ARHGAP32: variants seen among roughly 807,000 people sequenced by gnomAD.
ARHGAP32 encodes the protein rho GTPase-activating protein 32.
In ARHGAP32, 51 loss-of-function variants were observed where a neutral mutation model predicts 186.5. The ratio of observed to expected loss-of-function variants is 0.27; its 90% CI spans 0.22 to 0.35. The LOEUF is 0.35. ARHGAP32 is among the 10% of genes least tolerant of loss of function. The probability of loss-of-function intolerance (pLI) is 1.00; values close to 1 mark genes in which losing one functional copy is unlikely to be tolerated. For missense variants in ARHGAP32, 2,186 were observed against 2,623.5 expected, an observed-to-expected ratio of 0.83 and a Z score of 3.64; for synonymous variants, 950 against 964.3, an observed-to-expected ratio of 0.99 and a Z score of 0.27.
chr11:129,239,773 C>T (rs10894007), intron 1 of ARHGAP32, among the ~76,000 whole-genome samples: 82,958 of 151,836 alleles, frequency 0.55, 23,025 homozygotes, highest in East Asian at 0.68. Context: ...AGCCTTCCCC[C>T]TCCATCCTCA....
intron 5 of ARHGAP32, among the ~76,000 whole-genome samples, chr11:129,108,624 T>C (rs1942117038): frequency 6.6e-6 from 1 of 152,194 alleles, no homozygotes; most frequent in Non-Finnish European, 1.5e-5. Flanking sequence ...TGGAAAAATA[T>C]CTGCTCGAGC....
chr11:129,235,156 T>C (rs1039968394), intron 1 of ARHGAP32, among the ~76,000 whole-genome samples: 1 of 152,146 alleles, frequency 6.6e-6, no homozygotes, highest in Non-Finnish European at 1.5e-5. Flanking sequence ...GCTGACATCT[T>C]GATTTCGGAC....
At chr11:129,205,812 T>C (rs536217596) in intron 1 of ARHGAP32, among the ~76,000 whole-genome samples, 6 of 152,166 alleles carry the variant, frequency 3.9e-5, no homozygotes, top group Middle Eastern at 3.2e-3. Flanking sequence ...ATATGCTAGA[T>C]ACTATGATGC....
intron 3 of ARHGAP32, 135 bp from the exon 4 acceptor site, chr11:129,124,064 C>T: frequency 2.3e-6 from 1 of 425,952 alleles, no homozygotes; most frequent in Admixed American, 4.8e-5. Flanking sequence ...ATGAATAGTC[C>T]TTGTTCAAAA....
At chr11:129,091,960 T>G (rs1941589578) in intron 6 of ARHGAP32, among the ~76,000 whole-genome samples, 1 of 152,044 alleles carries the variant, frequency 6.6e-6, no homozygotes, top group South Asian at 2.1e-4. Flanking sequence ...CATGGGAATA[T>G]ATCAATGATT....
chr11:129,226,478 G>A (rs953282956), intron 1 of ARHGAP32, among the ~76,000 whole-genome samples: 3 of 152,030 alleles, frequency 2.0e-5, no homozygotes, highest in Non-Finnish European at 4.4e-5. Flanking sequence ...AGTGCTGAAA[G>A]AAAAATGACT....
intron 15 of ARHGAP32, among the ~76,000 whole-genome samples, chr11:128,983,154 C>T (rs1316702098): frequency 1.3e-5 from 2 of 151,982 alleles, no homozygotes; most frequent in Non-Finnish European, 2.9e-5. Flanking sequence ...CCCCTTGTAC[C>T]GAGGACAAAG....
intron 15 of ARHGAP32, among the ~76,000 whole-genome samples, chr11:128,985,578 C>T (rs1945839776): frequency 6.6e-6 from 1 of 151,990 alleles, no homozygotes; most frequent in African/African-American, 2.4e-5. Flanking sequence ...TCCAAACTAA[C>T]ACACAAATCA....
At chr11:129,136,956 G>A (rs1942948506) in intron 2 of ARHGAP32, among the ~76,000 whole-genome samples, 1 of 151,906 alleles carries the variant, frequency 6.6e-6, no homozygotes, top group Non-Finnish European at 1.5e-5. Context: ...GCATCCATAA[G>A]TATAAGGTTA....
rs539509627 is a variant in ARHGAP32 at position 129,057,504 on chromosome 11, T to C, written c.963+4776A>G. Reference sequence around the variant, plus strand: ...TTGTGCCCCTCTCCCCCAAAATTCATAATGTTGAATTCCTAACCCCCAGAA... The same window carrying C: ...TTGTGCCCCTCTCCCCCAAAATTCACAATGTTGAATTCCTAACCCCCAGAA... On this transcript the variant is annotated intron_variant, in intron 10 of 22. Coordinates refer to ENST00000682385, the MANE Select transcript of ARHGAP32 (RefSeq NM_001378024.1). Among the ~76,000 whole-genome samples, 183 of 152,152 alleles carry C rather than the reference T, an allele frequency of 1.2e-3. 3 individuals are homozygous for C. Among genetic ancestry groups the C allele is most frequent in the African/African-American group, 4.3e-3 (179 of 41,508 alleles).
At chr11:128,994,771 T>C (rs974172125) in intron 12 of ARHGAP32, among the ~76,000 whole-genome samples, 2 of 152,236 alleles carry the variant, frequency 1.3e-5, no homozygotes, top group Non-Finnish European at 2.9e-5. Flanking sequence ...CCTGCTAATT[T>C]AGGCTTCATT....
chr11:129,086,269 A>G (rs1173328909), intron 6 of ARHGAP32, among the ~76,000 whole-genome samples: 1 of 152,200 alleles, frequency 6.6e-6, no homozygotes, highest in Non-Finnish European at 1.5e-5. Context: ...TACACCTTTT[A>G]CAAGAATTAA....
chr11:129,044,688 T>C (rs1246919282), intron 10 of ARHGAP32, among the ~76,000 whole-genome samples: 1 of 9,174 alleles, frequency 1.1e-4, no homozygotes, highest in East Asian at 3.2e-3. Flanking sequence ...TTTCAATATA[T>C]AAAATCTGCA....
intron 12 of ARHGAP32, among the ~76,000 whole-genome samples, chr11:128,988,355 T>C (rs1222120747): frequency 2.6e-5 from 4 of 152,236 alleles, no homozygotes; most frequent in South Asian, 2.1e-4. Context: ...TATGTCATGA[T>C]ATTTAAGTGA....
At chr11:128,977,548 T>C (rs904003423) in intron 19 of ARHGAP32, among the ~76,000 whole-genome samples, 3 of 152,194 alleles carry the variant, frequency 2.0e-5, no homozygotes, top group African/African-American at 7.2e-5. Context: ...AATACCATTC[T>C]TAGTCTCCTG....
intron 5 of ARHGAP32, among the ~76,000 whole-genome samples, chr11:129,101,259 T>A (rs990832834): frequency 6.6e-6 from 1 of 151,970 alleles, no homozygotes; most frequent in Admixed American, 6.5e-5. Flanking sequence ...CCCACAAACA[T>A]GAGAAAGAAT....
chr11:129,057,005 G>C (rs1451908489), intron 10 of ARHGAP32, among the ~76,000 whole-genome samples: 1 of 152,082 alleles, frequency 6.6e-6, no homozygotes, highest in African/African-American at 2.4e-5. Flanking sequence ...GGAAGACACT[G>C]CCACCTCTGT....
intron 1 of ARHGAP32, among the ~76,000 whole-genome samples, chr11:129,218,886 T>C (rs1373550105): frequency 6.6e-6 from 1 of 151,784 alleles, no homozygotes; most frequent in African/African-American, 2.4e-5. Context: ...AATGAGGGAG[T>C]GCGGGTGAGA....
chr11:128,969,920 G>T lies in ARHGAP32; in HGVS notation c.5293C>A (p.Arg1765Ser). The change falls in exon 23 of 23, where the codon CGC (arginine) becomes AGC (serine). Residue 1765 changes from arginine (R) to serine (S), a missense_variant. Arg to Ser is a moderately radical substitution (Grantham distance 110). Transcript: ENST00000682385. The surrounding 1 kb of genome is among the most constrained non-coding windows in gnomAD (Gnocchi z 4.8). ...CTCTCTCTCCGGATGGACTGCATGC[G>T]GTATTTTTCCATGTCCTCAAGATCC... Reference protein sequence around the residue: ...SWDLEDMEKYRMQSIRRESRA... With the variant: ...SWDLEDMEKYSMQSIRRESRA... 6.2e-7 allele frequency: 1 copy of T among 1,614,208 alleles called. No individual in the cohort carries two copies.
Sources: allele counts gnomAD v4.1 joint callset (sites outside exome capture counted in the v4.1 genomes callset), GRCh38; gene constraint gnomAD v4.1.1; non-coding constraint Gnocchi (gnomAD v3.1); transcripts MANE v1.5; gene names NCBI Gene and HGNC (gene_info 2026-07-23, HGNC 2026-07-21).